Variants in ROBO1 observed in about 807,000 individuals in gnomAD.
The protein encoded by ROBO1 is roundabout homolog 1.
In ROBO1, 149 loss-of-function variants were observed where a neutral mutation model predicts 195.9. That is an observed-to-expected ratio of 0.76 (90% CI 0.67 to 0.87). The LOEUF is 0.87. ROBO1 is among the 40% of genes least tolerant of loss of function. ROBO1 has a pLI of 0.00. For missense variants in ROBO1, 1,933 were observed against 2,068.3 expected, an observed-to-expected ratio of 0.93 and a Z score of 1.27; for synonymous variants, 816 against 733.2, an observed-to-expected ratio of 1.11 and a Z score of -1.82.
chr3:79,006,756 G>GA (rs1559583333), intron 3 of ROBO1, among the ~76,000 whole-genome samples: 1 of 48,302 alleles, frequency 2.1e-5, no homozygotes, highest in Non-Finnish European at 4.0e-5. Context: ...ACAAAATATC[G>GA]GAAAAAAAAA....
chr3:78,860,474 A>G (rs2034765463), intron 4 of ROBO1, among the ~76,000 whole-genome samples: 1 of 151,818 alleles, frequency 6.6e-6, no homozygotes, highest in Non-Finnish European at 1.5e-5. Context: ...TTTTTCCCTC[A>G]AAGAATTTTT....
intron 2 of ROBO1, among the ~76,000 whole-genome samples, chr3:79,533,988 A>C (rs1201316522): frequency 6.6e-6 from 1 of 152,016 alleles, no homozygotes; most frequent in Non-Finnish European, 1.5e-5. Context: ...CTGGATAACT[A>C]AGGTTAGTCC....
intron 4 of ROBO1, among the ~76,000 whole-genome samples, chr3:78,828,425 T>G (rs1053906075): frequency 2.6e-5 from 4 of 152,198 alleles, no homozygotes; most frequent in African/African-American, 9.7e-5. Context: ...TTTGAAAATG[T>G]GTGTGCTTAA....
chr3:78,971,576 T>C (rs1053721991), intron 3 of ROBO1, among the ~76,000 whole-genome samples: 57 of 152,266 alleles, frequency 3.7e-4, no homozygotes, highest in African/African-American at 1.3e-3. Flanking sequence ...ATGGGTAAAG[T>C]GGCCAGGCCA....
Position 78,931,933 on chromosome 3 carries a change from C to A in ROBO1, c.499+6668G>T, listed in dbSNP as rs77071631. ...TGAGTCTACAGTGAGGGTGACTGTGCCACTGCACACCATCCTTGGTGACAC... is the reference window on the plus strand; with the variant it reads ...TGAGTCTACAGTGAGGGTGACTGTGACACTGCACACCATCCTTGGTGACAC... On this transcript the variant is annotated intron_variant, in intron 4 of 30. Coordinates refer to ENST00000464233, the MANE Select transcript of ROBO1 (RefSeq NM_002941.4). 4.5e-3 allele frequency among the ~76,000 whole-genome samples: 686 copies of A among 152,172 alleles called. 3 individuals are homozygous for A. The highest frequency in any genetic ancestry group is 0.015 in the African/African-American group (643 of 41,514).
Position 79,071,130 on chromosome 3 carries a change from T to C in ROBO1, c.172+54326A>G, listed in dbSNP as rs150393997. Among the ~76,000 whole-genome samples the C allele has an allele frequency of 1.4e-3, 213 of 151,980 alleles. 1 individual carries two copies. Among genetic ancestry groups the C allele is most frequent in the African/African-American group, 4.9e-3 (203 of 41,520 alleles). ...CATGTGTACATGTTATTATTAACTA[T>C]AGTCATCATGCTGTATAATAGATCT... On this transcript the variant is annotated intron_variant, in intron 3 of 30. Coordinates refer to ENST00000464233, the MANE Select transcript of ROBO1 (RefSeq NM_002941.4).
intron 4 of ROBO1, among the ~76,000 whole-genome samples, chr3:78,897,502 T>C (rs2037308553): frequency 6.6e-6 from 1 of 152,192 alleles, no homozygotes; most frequent in Admixed American, 6.5e-5. Context: ...TACAGAACTT[T>C]AAAAAACAGT....
At chr3:79,586,179 T>A (rs955318516) in intron 2 of ROBO1, among the ~76,000 whole-genome samples, 1 of 151,970 alleles carries the variant, frequency 6.6e-6, no homozygotes, top group Admixed American at 6.6e-5. Flanking sequence ...ATTGAGCATA[T>A]GAAAGCAAAA....
chr3:79,241,794 G>C (rs1407378943), intron 2 of ROBO1, among the ~76,000 whole-genome samples: 1 of 151,368 alleles, frequency 6.6e-6, no homozygotes, highest in Non-Finnish European at 1.5e-5. Flanking sequence ...TAGTATGATG[G>C]TGTTATGGGG....
At chr3:79,111,283 CT>C (rs1443232219) in intron 3 of ROBO1, among the ~76,000 whole-genome samples, 1 of 152,098 alleles carries the variant, frequency 6.6e-6, no homozygotes, top group Non-Finnish European at 1.5e-5. Flanking sequence ...TATAGAATGA[CT>C]TTTTACCTTA....
intron 3 of ROBO1, among the ~76,000 whole-genome samples, chr3:78,986,858 G>C (rs1559561159): frequency 6.6e-6 from 1 of 152,142 alleles, no homozygotes; most frequent in Non-Finnish European, 1.5e-5. Context: ...TGCCAGGCAG[G>C]CTGAATGATG....
intron 2 of ROBO1, among the ~76,000 whole-genome samples, chr3:79,527,119 T>C (rs1446049160): frequency 1.3e-5 from 2 of 152,180 alleles, no homozygotes; most frequent in South Asian, 2.1e-4. Flanking sequence ...TATTATGTTA[T>C]TTAATTTTAT....
intron 10 of ROBO1, among the ~76,000 whole-genome samples, chr3:78,675,059 GAGGTAA>G (rs888135329): frequency 2.0e-5 from 3 of 151,980 alleles, no homozygotes; most frequent in Admixed American, 2.0e-4. Context: ...ATCATATACA[GAGGTAA>G]GAGTTTGAGC....
chr3:78,812,004 G>A (rs778531153), intron 4 of ROBO1, among the ~76,000 whole-genome samples: 10 of 152,166 alleles, frequency 6.6e-5, no homozygotes, highest in South Asian at 2.1e-4. Flanking sequence ...CGGTGGAATC[G>A]TTTCCTAGCA....
intron 22 of ROBO1, 100 bp from the exon 23 acceptor site, chr3:78,636,208 G>A: frequency 1.2e-6 from 1 of 820,018 alleles, no homozygotes; most frequent in Non-Finnish European, 1.9e-6. Flanking sequence ...AAATCGTTAT[G>A]TAAAGTACAA....
chr3:79,426,822 T>C lies in ROBO1; in HGVS notation c.88+163002A>G, dbSNP rs138545995. Among the ~76,000 whole-genome samples the C allele has an allele frequency of 2.3e-3, 345 of 152,274 alleles. 1 individual carries two copies. Among genetic ancestry groups the C allele is most frequent in the African/African-American group, 7.4e-3 (308 of 41,568 alleles). On this transcript the variant is annotated intron_variant, in intron 2 of 30. Transcript: ENST00000464233. ...AAAAATTAAGTGATTTAGTGTACAC[T>C]GTCAAATATAGGTCTTAACCATTTT...
intron 2 of ROBO1, among the ~76,000 whole-genome samples, chr3:79,188,951 A>T (rs1266068542): frequency 6.6e-6 from 1 of 151,758 alleles, no homozygotes; most frequent in African/African-American, 2.4e-5. Flanking sequence ...AAGAGGACCA[A>T]GGGAGCTTGT....
chr3:79,387,868 C>A (rs2036811820), intron 2 of ROBO1, among the ~76,000 whole-genome samples: 1 of 152,206 alleles, frequency 6.6e-6, no homozygotes, highest in African/African-American at 2.4e-5. Context: ...AGAGACGCTG[C>A]CAGATCCGAT....
chr3:79,437,314 T>TAC (rs1217523508), intron 2 of ROBO1, among the ~76,000 whole-genome samples: 1 of 152,014 alleles, frequency 6.6e-6, no homozygotes, highest in Non-Finnish European at 1.5e-5. Context: ...TCAACATATC[T>TAC]AGCCAATTCT....
Sources: gnomAD v4.1 joint callset for allele counts (sites outside exome capture counted in the v4.1 genomes callset) on GRCh38, gnomAD v4.1.1 for gene constraint, MANE v1.5 for transcripts, NCBI Gene and HGNC (gene_info 2026-07-23, HGNC 2026-07-21) for gene names.